YY1AP1: variants seen among roughly 807,000 people sequenced by gnomAD.
YY1AP1 encodes the protein YY1 associated protein 1.
YY1AP1 carries 43 observed loss-of-function variants against 39.9 expected under a neutral mutation model. That is an observed-to-expected ratio of 1.08 (90% CI 0.84 to 1.39). The LOEUF (loss-of-function observed/expected upper bound fraction) is 1.39, where lower values mean the gene tolerates loss of function less well. Among genes scored for constraint, YY1AP1 ranks in the 40% most tolerant of loss-of-function variants. The probability of loss-of-function intolerance (pLI) is 0.00; values close to 1 mark genes in which losing one functional copy is unlikely to be tolerated. For synonymous variants in YY1AP1, 292 were observed against 331.3 expected (o/e 0.88, Z 1.29); for missense variants, 813 against 900.7 (o/e 0.90, Z 1.25).
intron 2 of YY1AP1, 48 bp from the exon 3 acceptor site, chr1:155,680,504 A>G: frequency 6.7e-7 from 1 of 1,481,768 alleles, no homozygotes; most frequent in Non-Finnish European, 9.4e-7. Context: ...TCATTTTACA[A>G]TATGGAGGAA....
At chr1:155,687,839 T>C (rs566862792) in intron 2 of YY1AP1, 38 of 485,670 alleles carry the variant, frequency 7.8e-5, no homozygotes, top group Admixed American at 4.8e-4. Context: ...CTCCACTCGC[T>C]TACTTCCCAG....
intron 9 of YY1AP1, among the ~76,000 whole-genome samples, chr1:155,663,751 G>A (rs1181768911): frequency 6.6e-6 from 1 of 151,634 alleles, no homozygotes; most frequent in Non-Finnish European, 1.5e-5. Flanking sequence ...CAAAAAGAAA[G>A]TACTTTTTAA....
At position 155,688,217 on chromosome 1, in the gene YY1AP1, G is replaced by C. The variant is rs568708737; in HGVS notation, c.-151-16C>G. The C allele has an allele frequency of 2.5e-6, 4 of 1,613,724 alleles. No homozygotes were observed. Among genetic ancestry groups the C allele is most frequent in the Admixed American group, 1.7e-5 (1 of 59,992 alleles). On this transcript the variant is annotated splice_polypyrimidine_tract_variant and intron_variant, in intron 1 of 10. Coordinates refer to ENST00000355499, the MANE Select transcript of YY1AP1 (RefSeq NM_139119.3). ...GGTAAGCCGACTGGCGGAAATGCGA[G>C]AGAGGAGAAGGGAAAGGTGGAGGGC...
intron 2 of YY1AP1, among the ~76,000 whole-genome samples, chr1:155,685,066 G>T (rs1379155484): frequency 6.6e-6 from 1 of 152,070 alleles, no homozygotes; most frequent in Non-Finnish European, 1.5e-5. Flanking sequence ...CCCAAAACAA[G>T]GTAAGGAATA....
At chr1:155,670,571 T>C (rs1034715375) in intron 7 of YY1AP1, 107 bp from the exon 8 acceptor site, 143 of 1,213,884 alleles carry the variant, frequency 1.2e-4, no homozygotes, top group Non-Finnish European at 1.3e-4. Context: ...TTATCTAACT[T>C]GATTCCCTCC....
At chr1:155,666,713 T>G (rs1269037957) in intron 9 of YY1AP1, among the ~76,000 whole-genome samples, 1 of 149,774 alleles carries the variant, frequency 6.7e-6, no homozygotes, top group Non-Finnish European at 1.5e-5. Flanking sequence ...AAAAAAAAAG[T>G]TTTTTGCCAG....
intron 6 of YY1AP1, among the ~76,000 whole-genome samples, chr1:155,674,151 A>T (rs1650269616): frequency 7.9e-6 from 1 of 126,524 alleles, no homozygotes; most frequent in East Asian, 2.1e-4. Context: ...ACAGAGCGAG[A>T]CTCCGTCTCA....
chr1:155,668,834 C>T, intron 8 of YY1AP1, 57 bp from the exon 9 acceptor site: 1 of 1,610,996 alleles, frequency 6.2e-7, no homozygotes, highest in Admixed American at 1.7e-5. Flanking sequence ...TCTAAAGGGC[C>T]TCCCCAGACT....
intron 8 of YY1AP1, among the ~76,000 whole-genome samples, chr1:155,669,853 C>A (rs941971808): frequency 6.6e-6 from 1 of 152,022 alleles, no homozygotes; most frequent in Non-Finnish European, 1.5e-5. Context: ...CACAGAGATA[C>A]CCTCACCTGT....
intron 5 of YY1AP1, 114 bp from the exon 6 acceptor site, chr1:155,675,210 G>C: frequency 1.1e-6 from 1 of 920,926 alleles, no homozygotes; most frequent in South Asian, 1.5e-5. Flanking sequence ...ACACAGCTTG[G>C]AGTGCAGTGG....
chr1:155,680,181 CAAAA>C (rs35423534), intron 3 of YY1AP1, among the ~76,000 whole-genome samples: 10 of 104,788 alleles, frequency 9.5e-5, no homozygotes, highest in Admixed American at 3.0e-4. Context: ...GACTTTGCCT[CAAAA>C]AAAAAAAAAA....
chr1:155,670,460 A>T lies in YY1AP1; in HGVS notation c.588T>A (p.Asn196Lys). The T allele has an allele frequency of 1.2e-6, 2 of 1,614,114 alleles. No individual in the cohort carries two copies. The highest frequency in any genetic ancestry group is 2.2e-5 in the South Asian group (2 of 91,072). Reference protein sequence around the residue: ...SPHKTVKKTANEFPCLPKQVA... With the variant: ...SPHKTVKKTAKEFPCLPKQVA... ...CTTGCTTTGGCAAACAGGGAAATTC[A>T]TTGGCTATAAGAAAATAAATCTCTG... The change falls in exon 8 of 11, where the codon AAT (asparagine) becomes AAA (lysine). Residue 196 changes from asparagine (N) to lysine (K), a missense_variant. By Grantham distance (94) the Asn-to-Lys change is moderately conservative. Coordinates refer to ENST00000355499, the MANE Select transcript of YY1AP1 (RefSeq NM_139119.3).
chr1:155,674,785 C>T, intron 6 of YY1AP1: 1 of 362,686 alleles, frequency 2.8e-6, no homozygotes, highest in Non-Finnish European at 5.1e-6. Flanking sequence ...GAAATTGTTC[C>T]ACCGCACTCC....
At chr1:155,677,917 T>C (rs903542858) in intron 4 of YY1AP1, among the ~76,000 whole-genome samples, 1 of 152,206 alleles carries the variant, frequency 6.6e-6, no homozygotes, top group Non-Finnish European at 1.5e-5. Context: ...CTCTCTTCCT[T>C]ATTGTGTTTT....
intron 2 of YY1AP1, among the ~76,000 whole-genome samples, 180 bp from the exon 3 acceptor site, chr1:155,680,636 G>A (rs765968018): frequency 5.3e-5 from 8 of 152,158 alleles, no homozygotes; most frequent in Admixed American, 1.3e-4. Flanking sequence ...GCTTGATCTC[G>A]GCTCACTGCA....
rs1647983715 is a variant in YY1AP1 at position 155,660,868 on chromosome 1, C to T, written c.1042G>A (p.Gly348Ser). The T allele has an allele frequency of 6.2e-7, 1 of 1,614,084 alleles. No homozygotes were observed. The highest frequency in any genetic ancestry group is 1.7e-5 in the Admixed American group (1 of 60,002). ...IQEELRHMADGAREVGNMTGT... is the reference protein window; with the variant it reads ...IQEELRHMADSAREVGNMTGT... ...GTCATATTTCCTACCTCTCTAGCAC[C>T]ATCAGCCATGTGCCGCAGTTCTTCC... Residue 348 changes from glycine to serine, a missense_variant, in exon 11 of 11, where the codon GGT becomes AGT. Gly to Ser is a moderately conservative substitution (Grantham distance 56). Around this residue, in one of 3 missense-constraint regions of YY1AP1, gnomAD observed 586 missense variants for 647.4 expected, o/e 0.91. Transcript: ENST00000355499.
Position 155,674,996 on chromosome 1 carries a change from A to C in YY1AP1, c.411+14T>G. ...TATTCTAGTCTATAGAATTACGGCA[A>C]TTTGGAAACTTACAAGACATATCCT... On this transcript the variant is annotated intron_variant, in intron 6 of 10. Transcript: ENST00000355499. The C allele has an allele frequency of 6.2e-7, 1 of 1,608,696 alleles. No homozygotes were observed.
chr1:155,679,194 T>C (rs1651157307), intron 4 of YY1AP1: 1 of 1,500,770 alleles, frequency 6.7e-7, no homozygotes, highest in Non-Finnish European at 9.0e-7. Context: ...TACTGTTTTT[T>C]CTCCCTTCCC....
Position 155,675,095 on chromosome 1 carries a change from T to C in YY1AP1, c.326A>G (p.His109Arg), listed in dbSNP as rs779155108. 2 of 1,613,324 alleles carry C rather than the reference T, an allele frequency of 1.2e-6. No individual in the cohort carries two copies. The highest frequency in any genetic ancestry group is 1.7e-5 in the Admixed American group (1 of 60,000). ...GTGGATTTGTGTCAAGAGCTGAACA[T>C]GCTGGGGAGAGAAAGAAAATAATGC... ...RKRLQQQMQQ[H>R]VQLLTQIHLL... Residue 109 changes from histidine (H) to arginine (R), a missense_variant and splice_region_variant, in exon 6 of 11, where the codon CAT (histidine) becomes CGT (arginine). His to Arg is a conservative substitution (Grantham distance 29, BLOSUM62 0). Around this residue, in one of 3 missense-constraint regions of YY1AP1, gnomAD observed 196 missense variants for 189.7 expected, o/e 1.03. Transcript: ENST00000355499.
Sources: gnomAD v4.1 joint callset for allele counts (sites outside exome capture counted in the v4.1 genomes callset) on GRCh38, gnomAD v4.1.1 for gene constraint, gnomAD v4.1.1 regional missense constraint, MANE v1.5 for transcripts, NCBI Gene and HGNC (gene_info 2026-07-23, HGNC 2026-07-21) for gene names.